The following NBEA variants were observed in gnomAD, a reference collection of about 807,000 sequenced individuals.
NBEA encodes lysosomal-trafficking regulator 2.
NBEA carries 44 observed loss-of-function variants against 343.4 expected under a neutral mutation model. The observed-to-expected ratio is 0.13, with a 90% CI of 0.10 to 0.16. NBEA has a LOEUF of 0.16. Among genes scored for constraint, NBEA ranks in the 10% least tolerant of loss-of-function variants. The pLI is 1.00. For synonymous variants in NBEA, 1,175 were observed against 1,238.7 expected (o/e 0.95, Z 1.08); for missense variants, 2,555 against 3,631.3 (o/e 0.70, Z 7.62).
chr13:35,601,135 C>T (rs935725692), intron 47 of NBEA, among the ~76,000 whole-genome samples: 2 of 151,414 alleles, frequency 1.3e-5, no homozygotes, highest in Non-Finnish European at 2.9e-5. Flanking sequence ...CGAGATGGCA[C>T]CATTGCACTC....
chr13:35,048,009 T>A (rs1179105377), intron 4 of NBEA, among the ~76,000 whole-genome samples: 2 of 151,962 alleles, frequency 1.3e-5, no homozygotes, highest in East Asian at 3.9e-4. Context: ...GAATCCTTTT[T>A]GGTTATAAAT....
intron 46 of NBEA, among the ~76,000 whole-genome samples, chr13:35,584,325 T>G (rs1334022494): frequency 2.0e-5 from 3 of 150,930 alleles, no homozygotes; most frequent in Non-Finnish European, 3.0e-5. Flanking sequence ...TTTTTTTTTT[T>G]TTTTTTCAGT....
intron 11 of NBEA, 89 bp downstream of exon 11, chr13:35,098,494 C>T (rs2065450059): frequency 1.2e-5 from 11 of 890,416 alleles, no homozygotes; most frequent in Admixed American, 4.2e-5. Flanking sequence ...ATTTCACTTT[C>T]CATTGACTGT....
At chr13:35,667,732 CA>C (rs2085427897) in intron 57 of NBEA, among the ~76,000 whole-genome samples, 162 bp downstream of exon 57, 1 of 152,148 alleles carries the variant, frequency 6.6e-6, no homozygotes, top group African/African-American at 2.4e-5. Context: ...TAAAGAAACC[CA>C]AAGTTCATTT....
chr13:35,171,597 A>G (rs1024801603), intron 26 of NBEA, 145 bp downstream of exon 26: 2 of 703,962 alleles, frequency 2.8e-6, no homozygotes, highest in African/African-American at 3.7e-5. Flanking sequence ...TTATTTTTAT[A>G]ATTAATCAGA....
intron 34 of NBEA, among the ~76,000 whole-genome samples, chr13:35,268,205 T>C (rs1445521381): frequency 6.6e-6 from 1 of 152,066 alleles, no homozygotes; most frequent in African/African-American, 2.4e-5. Context: ...TAATGCAACA[T>C]GAATGACCCT....
intron 43 of NBEA, among the ~76,000 whole-genome samples, chr13:35,552,894 C>T (rs1198940022): frequency 6.7e-6 from 1 of 149,398 alleles, no homozygotes; most frequent in Non-Finnish European, 1.5e-5. Flanking sequence ...GAAGATCATT[C>T]TTTTTTTTTT....
chr13:35,262,976 A>G (rs1479857761), intron 34 of NBEA, among the ~76,000 whole-genome samples: 1 of 152,206 alleles, frequency 6.6e-6, no homozygotes, highest in Non-Finnish European at 1.5e-5. Flanking sequence ...AATCAATCCT[A>G]AAATTCATTT....
At chr13:35,434,095 T>A (rs897028907) in intron 39 of NBEA, among the ~76,000 whole-genome samples, 10 of 152,134 alleles carry the variant, frequency 6.6e-5, no homozygotes, top group Non-Finnish European at 1.3e-4. Flanking sequence ...AGGCTTTTTT[T>A]AGAAAAATGT....
At chr13:35,487,971 C>T (rs1443732742) in intron 41 of NBEA, among the ~76,000 whole-genome samples, 1 of 151,762 alleles carries the variant, frequency 6.6e-6, no homozygotes, top group East Asian at 1.9e-4. Flanking sequence ...GTCACATGAG[C>T]TTTTTGGGCA....
intron 6 of NBEA, among the ~76,000 whole-genome samples, chr13:35,055,068 A>G (rs571023053): frequency 8.5e-5 from 13 of 152,296 alleles, no homozygotes; most frequent in South Asian, 2.1e-4. Flanking sequence ...GAAAATATAT[A>G]TGAAATAATT....
Position 35,649,770 on chromosome 13 carries a change from C to A in NBEA, c.7886C>A (p.Pro2629His). 1 of 1,614,024 alleles carries A rather than the reference C, an allele frequency of 6.2e-7. No homozygotes were observed. Among genetic ancestry groups the A allele is most frequent in the Non-Finnish European group, 8.5e-7 (1 of 1,179,888 alleles). ...ACCCATGTGGCAGCCAACACTCTGC[C>A]CCACTTGACCATCCCCGCAGTGGTG... ...PVTHVAANTL[P>H]HLTIPAVVTV... The change falls in exon 52 of 59, where the codon CCC becomes CAC. Residue 2629 changes from proline to histidine, a missense_variant. Transcript: ENST00000379939.
intron 29 of NBEA, among the ~76,000 whole-genome samples, chr13:35,182,937 G>A (rs2071415403): frequency 6.6e-6 from 1 of 151,820 alleles, no homozygotes; most frequent in African/African-American, 2.4e-5. Context: ...TCAAAAGTTG[G>A]ATTTTTTTCT....
intron 10 of NBEA, among the ~76,000 whole-genome samples, chr13:35,090,562 A>G (rs967292315): frequency 3.3e-5 from 5 of 151,956 alleles, no homozygotes; most frequent in African/African-American, 9.7e-5. Context: ...GTGGTGGCAT[A>G]GCAGTATTAA....
At chr13:35,267,666 A>C (rs1038530443) in intron 34 of NBEA, among the ~76,000 whole-genome samples, 1 of 151,824 alleles carries the variant, frequency 6.6e-6, no homozygotes, top group Non-Finnish European at 1.5e-5. Flanking sequence ...ACAAAAAAAA[A>C]CTCAAAAAAG....
chr13:35,643,058 T>A (rs1200298650), intron 49 of NBEA, among the ~76,000 whole-genome samples: 1 of 151,748 alleles, frequency 6.6e-6, no homozygotes, highest in Non-Finnish European at 1.5e-5. Context: ...CTGGATAATA[T>A]AGAAGGAATT....
At chr13:35,623,726 AT>A (rs1209929820) in intron 48 of NBEA, among the ~76,000 whole-genome samples, 1 of 152,164 alleles carries the variant, frequency 6.6e-6, no homozygotes, top group East Asian at 1.9e-4. Context: ...TGAGAAAAAT[AT>A]TTAAAATGTC....
intron 41 of NBEA, among the ~76,000 whole-genome samples, chr13:35,507,008 A>G (rs1042008483): frequency 3.3e-5 from 5 of 151,966 alleles, no homozygotes; most frequent in African/African-American, 1.2e-4. Context: ...GCTATCTCCA[A>G]TGACTTCTTT....
chr13:35,411,955 A>T (rs2043613344), intron 38 of NBEA, among the ~76,000 whole-genome samples: 2 of 152,064 alleles, frequency 1.3e-5, no homozygotes, highest in Non-Finnish European at 2.9e-5. Flanking sequence ...TAAATTTGGT[A>T]CTTGTTCTTA....
Sources: gnomAD v4.1 joint callset for allele counts (sites outside exome capture counted in the v4.1 genomes callset) on GRCh38, gnomAD v4.1.1 for gene constraint, MANE v1.5 for transcripts, NCBI Gene and HGNC (gene_info 2026-07-23, HGNC 2026-07-21) for gene names.